The following CSGALNACT1 variants were observed in gnomAD, a reference collection of about 807,000 sequenced individuals.
CSGALNACT1 encodes the protein chondroitin sulfate N-acetylgalactosaminyltransferase 1, also known as beta4GalNAcT-1.
Under a neutral mutation model 51.0 loss-of-function variants are expected in CSGALNACT1, and 52 were observed. That is an observed-to-expected ratio of 1.02 (90% CI 0.82 to 1.29). CSGALNACT1 has a LOEUF of 1.29. Among genes scored for constraint, CSGALNACT1 ranks in the 50% most tolerant of loss-of-function variants. CSGALNACT1 has a pLI of 0.00. For missense variants in CSGALNACT1, 935 were observed against 679.2 expected (o/e 1.38, Z -4.19); for synonymous variants, 341 against 254.4 (o/e 1.34, Z -3.24).
intron 3 of CSGALNACT1, among the ~76,000 whole-genome samples, chr8:19,546,254 G>A (rs4922057): frequency 3.9e-5 from 6 of 151,966 alleles, no homozygotes; most frequent in South Asian, 2.1e-4. Flanking sequence ...ATGATTAATC[G>A]TGTTTTTGTA....
chr8:19,460,815 G>GT (rs1437948113), intron 4 of CSGALNACT1, among the ~76,000 whole-genome samples: 1 of 152,136 alleles, frequency 6.6e-6, no homozygotes. Flanking sequence ...TCTCTTCTCT[G>GT]TTTTTTGCCT....
chr8:19,493,444 C>T (rs80231438), intron 4 of CSGALNACT1, among the ~76,000 whole-genome samples: 28,494 of 152,070 alleles, frequency 0.19, 3,280 homozygotes, highest in African/African-American at 0.32. Context: ...GAGACTATTG[C>T]GTCTTCTCCA....
At chr8:19,528,695 A>G (rs923255457) in intron 3 of CSGALNACT1, among the ~76,000 whole-genome samples, 1 of 151,826 alleles carries the variant, frequency 6.6e-6, no homozygotes, top group Admixed American at 6.6e-5. Context: ...CTCCCTCAAC[A>G]CCCTCTTACT....
At chr8:19,706,765 A>T (rs2154226849) in intron 1 of CSGALNACT1, among the ~76,000 whole-genome samples, 1 of 152,248 alleles carries the variant, frequency 6.6e-6, no homozygotes, top group South Asian at 2.1e-4. Context: ...CTGGCACTAC[A>T]GGCATGCACC....
intron 1 of CSGALNACT1, among the ~76,000 whole-genome samples, chr8:19,670,929 G>A (rs1184661331): frequency 6.6e-6 from 1 of 152,134 alleles, no homozygotes; most frequent in African/African-American, 2.4e-5. Flanking sequence ...AAGTGCCATG[G>A]GGACTTAAGG....
At chr8:19,542,580 C>G (rs147666241) in intron 3 of CSGALNACT1, among the ~76,000 whole-genome samples, 1 of 152,192 alleles carries the variant, frequency 6.6e-6, no homozygotes, top group East Asian at 1.9e-4. Flanking sequence ...GTTACCAAAA[C>G]AAGAGATGAT....
chr8:19,655,789 A>G (rs902882449), intron 1 of CSGALNACT1, among the ~76,000 whole-genome samples: 12 of 152,176 alleles, frequency 7.9e-5, no homozygotes, highest in Non-Finnish European at 2.9e-5. Context: ...GTACAAAAAT[A>G]TTCCAACTAT....
At chr8:19,677,983 G>A (rs1416935065) in intron 1 of CSGALNACT1, among the ~76,000 whole-genome samples, 1 of 152,066 alleles carries the variant, frequency 6.6e-6, no homozygotes, top group African/African-American at 2.4e-5. Context: ...GGATGTGGTG[G>A]TGGGCACCTA....
At chr8:19,717,751 G>C (rs924549897) in intron 1 of CSGALNACT1, among the ~76,000 whole-genome samples, 2 of 152,166 alleles carry the variant, frequency 1.3e-5, no homozygotes, top group Non-Finnish European at 2.9e-5. Flanking sequence ...TTTTTCTGTA[G>C]GTTATGTTCT....
intron 2 of CSGALNACT1, among the ~76,000 whole-genome samples, chr8:19,595,769 C>T (rs1170462252): frequency 1.3e-5 from 2 of 152,154 alleles, no homozygotes; most frequent in East Asian, 3.9e-4. Flanking sequence ...TTTGTCTACC[C>T]TCCACTCTAA....
chr8:19,748,454 C>T (rs1464428931), intron 1 of CSGALNACT1, among the ~76,000 whole-genome samples: 4 of 152,132 alleles, frequency 2.6e-5, no homozygotes, highest in African/African-American at 4.8e-5. Context: ...AGGCCTAAAG[C>T]AAATATAGCA....
intron 1 of CSGALNACT1, chr8:19,678,661 T>G (rs2060370439): frequency 6.6e-6 from 1 of 152,090 alleles, no homozygotes; most frequent in Admixed American, 6.5e-5. Flanking sequence ...CACAACTAGA[T>G]CCTGCAATGT....
intron 4 of CSGALNACT1, among the ~76,000 whole-genome samples, chr8:19,500,907 G>A (rs1230500354): frequency 1.3e-5 from 2 of 152,166 alleles, no homozygotes; most frequent in Admixed American, 1.3e-4. Flanking sequence ...TCTGGTAAGG[G>A]CTGTATCCTC....
At chr8:19,500,196 C>T (rs1170879167) in intron 4 of CSGALNACT1, among the ~76,000 whole-genome samples, 1 of 152,098 alleles carries the variant, frequency 6.6e-6, no homozygotes, top group Non-Finnish European at 1.5e-5. Context: ...AGTGGGGTGA[C>T]AGTAGTCAGA....
At chr8:19,641,614 T>A (rs1281381676) in intron 1 of CSGALNACT1, among the ~76,000 whole-genome samples, 2 of 152,138 alleles carry the variant, frequency 1.3e-5, no homozygotes, top group African/African-American at 4.8e-5. Flanking sequence ...TTTAAATGTA[T>A]GAAACATATT....
intron 3 of CSGALNACT1, among the ~76,000 whole-genome samples, chr8:19,522,473 G>C (rs1305317558): frequency 6.6e-6 from 1 of 152,218 alleles, no homozygotes; most frequent in African/African-American, 2.4e-5. Flanking sequence ...TTTAAACTAA[G>C]TGGTACAGAT....
intron 2 of CSGALNACT1, among the ~76,000 whole-genome samples, chr8:19,601,410 T>C (rs2050391221): frequency 6.6e-6 from 1 of 152,218 alleles, no homozygotes; most frequent in Non-Finnish European, 1.5e-5. Context: ...TCTGTCCCAA[T>C]TTCCAATGGG....
At chr8:19,572,363 T>C (rs911222603) in intron 3 of CSGALNACT1, among the ~76,000 whole-genome samples, 1 of 152,204 alleles carries the variant, frequency 6.6e-6, no homozygotes, top group African/African-American at 2.4e-5. Context: ...AACAGCAGTA[T>C]TGGAGGCTTA....
chr8:19,446,788 A>G (rs368942838), intron 5 of CSGALNACT1, among the ~76,000 whole-genome samples: 1 of 152,202 alleles, frequency 6.6e-6, no homozygotes, highest in African/African-American at 2.4e-5. Flanking sequence ...TGCTGGGATT[A>G]AAGGTGTGAG....
Sources: allele counts gnomAD v4.1 joint callset (sites outside exome capture counted in the v4.1 genomes callset), GRCh38; gene constraint gnomAD v4.1.1; transcripts MANE v1.5; gene names NCBI Gene and HGNC (gene_info 2026-07-23, HGNC 2026-07-21).